Variants in ANKRD12 observed in about 807,000 individuals in gnomAD.
The protein encoded by ANKRD12 is ankyrin repeat domain 12, also known as ankyrin repeat domain-containing protein 12.
A neutral mutation model predicts 183.4 loss-of-function variants in ANKRD12; 85 were observed. The ratio of observed to expected loss-of-function variants is 0.46; its 90% CI spans 0.39 to 0.56. The LOEUF (loss-of-function observed/expected upper bound fraction) is 0.56. Ranked by LOEUF, ANKRD12 falls within the 20% of genes least tolerant of loss-of-function variation. The pLI, the probability that ANKRD12 is intolerant of heterozygous loss-of-function variation, is 0.00. For synonymous variants in ANKRD12, 914 were observed against 800.2 expected (o/e 1.14, Z -2.40); for missense variants, 2,405 against 2,357.1 (o/e 1.02, Z -0.42).
intron 8 of ANKRD12, among the ~76,000 whole-genome samples, chr18:9,223,124 A>G (rs146506611): frequency 1.3e-5 from 2 of 152,362 alleles, no homozygotes; most frequent in East Asian, 3.9e-4. Flanking sequence ...TAATAAAAGT[A>G]TAGTAAACTC....
At chr18:9,269,139 G>A (rs2039462817) in intron 10 of ANKRD12, among the ~76,000 whole-genome samples, 1 of 152,134 alleles carries the variant, frequency 6.6e-6, no homozygotes, top group Non-Finnish European at 1.5e-5. Context: ...ACAAATAGAA[G>A]AACATTCCAA....
chr18:9,265,585 A>G (rs2039241869), intron 10 of ANKRD12, among the ~76,000 whole-genome samples: 1 of 152,216 alleles, frequency 6.6e-6, no homozygotes, highest in Non-Finnish European at 1.5e-5. Context: ...AAGGAAAACT[A>G]ACAAACAGAA....
At position 9,255,315 on chromosome 18, in the gene ANKRD12, A is replaced by G. The variant is rs977914828; in HGVS notation, c.2048A>G (p.Lys683Arg). ...KEKYKTKDSA[K>R]ELQRSVEFDR... ...AAATACAAAACTAAGGATAGTGCCA[A>G]AGAACTGCAGAGGAGTGTGGAATTT... The change falls in exon 9 of 13, where the codon AAA (lysine) becomes AGA (arginine). Residue 683 changes from lysine to arginine, a missense_variant. This residue lies in a region of ANKRD12 where 1,983 missense variants were observed against 1,725.9 expected (regional missense o/e 1.15). Coordinates refer to ENST00000262126, the MANE Select transcript of ANKRD12 (RefSeq NM_015208.5). The G allele has an allele frequency of 6.9e-6, 11 of 1,593,746 alleles. No homozygotes were observed. Among genetic ancestry groups the G allele is most frequent in the Admixed American group, 1.9e-5 (1 of 54,020 alleles).
intron 1 of ANKRD12, among the ~76,000 whole-genome samples, chr18:9,152,978 T>A (rs1471856815): frequency 6.6e-6 from 1 of 152,166 alleles, no homozygotes; most frequent in Admixed American, 6.5e-5. Context: ...ATATGTTACA[T>A]AATGTCCTCA....
chr18:9,261,644 C>A (rs1231566291), intron 9 of ANKRD12, among the ~76,000 whole-genome samples: 1 of 152,170 alleles, frequency 6.6e-6, no homozygotes, highest in South Asian at 2.1e-4. Context: ...ATGATGACGA[C>A]GAGAGTAATG....
At chr18:9,264,566 T>C (rs995718581) in intron 10 of ANKRD12, among the ~76,000 whole-genome samples, 1 of 152,230 alleles carries the variant, frequency 6.6e-6, no homozygotes, top group Non-Finnish European at 1.5e-5. Flanking sequence ...TGTGGACTTC[T>C]GTAACAGTCT....
chr18:9,241,317 C>G (rs547804853), intron 8 of ANKRD12, among the ~76,000 whole-genome samples: 3 of 152,202 alleles, frequency 2.0e-5, no homozygotes, highest in Admixed American at 2.0e-4. Flanking sequence ...AAAGATTTTT[C>G]ATTTAACATG....
Position 9,265,528 on chromosome 18 carries a change from C to T in ANKRD12, c.5763+1640C>T, listed in dbSNP as rs1449555144. ...CCCACACAAACGGTCTGGAGTGGGC[C>T]TCCAGCAAACTCCAACAGACCTGCA... On this transcript the variant is annotated intron_variant, in intron 10 of 12. Transcript: ENST00000262126. 2.6e-5 allele frequency among the ~76,000 whole-genome samples: 4 copies of T among 152,160 alleles called. No individual in the cohort carries two copies. In the East Asian group the frequency reaches 5.8e-4, roughly 22 times the overall value.
intron 12 of ANKRD12, 25 bp from the exon 13 acceptor site, chr18:9,280,916 G>T: frequency 6.3e-7 from 1 of 1,588,902 alleles, no homozygotes; most frequent in Non-Finnish European, 8.5e-7. Context: ...GAATAATCAA[G>T]TAACTCTTCT....
chr18:9,278,796 G>A (rs796229831), intron 11 of ANKRD12, among the ~76,000 whole-genome samples: 5 of 151,188 alleles, frequency 3.3e-5, no homozygotes, highest in African/African-American at 1.2e-4. Context: ...AAAAAAAAAA[G>A]AAAATGTGAG....
At chr18:9,157,550 GGTGTGTGTGTGTGT>G (rs71168037) in intron 1 of ANKRD12, among the ~76,000 whole-genome samples, 1 of 114,598 alleles carries the variant, frequency 8.7e-6, no homozygotes, top group Non-Finnish European at 1.7e-5. Flanking sequence ...GGTGTGTGTG[GGTGTGTGTGTGTGT>G]GTGTGTGTGT....
At chr18:9,278,620 A>C (rs2039963861) in intron 11 of ANKRD12, among the ~76,000 whole-genome samples, 1 of 152,146 alleles carries the variant, frequency 6.6e-6, no homozygotes, top group African/African-American at 2.4e-5. Flanking sequence ...AATATGGTGA[A>C]ACCACATCTC....
chr18:9,215,391 T>TC (rs1392548202), intron 6 of ANKRD12, among the ~76,000 whole-genome samples: 1 of 152,104 alleles, frequency 6.6e-6, no homozygotes, highest in Non-Finnish European at 1.5e-5. Flanking sequence ...GAGAACTCTT[T>TC]TCTGGATTGA....
At position 9,285,535 on chromosome 18, in the gene ANKRD12, TCA is replaced by T; in HGVS notation, c.*4410_*4411del. The T allele has an allele frequency of 6.6e-6, 1 of 152,100 alleles. No individual in the cohort carries two copies. The highest frequency in any genetic ancestry group is 1.5e-5 in the Non-Finnish European group (1 of 67,986). The allele number at this position is 152,100 out of a possible 1,614,324, so 9.4% of individuals were successfully genotyped here. ...ACTCAAGAGAATATCAATAACTTTC[TCA>T]GTTTTTTTTCATTGTTATAGTCTGT... On this transcript the variant is annotated 3_prime_UTR_variant, in exon 13 of 13. Transcript: ENST00000262126.
At chr18:9,280,453 C>CCA (rs2040058447) in intron 12 of ANKRD12, among the ~76,000 whole-genome samples, 1 of 152,006 alleles carries the variant, frequency 6.6e-6, no homozygotes, top group African/African-American at 2.4e-5. Context: ...AGTTGCAGAC[C>CCA]CACAAATAGT....
intron 8 of ANKRD12, among the ~76,000 whole-genome samples, chr18:9,252,352 G>T (rs1301295870): frequency 6.6e-6 from 1 of 152,166 alleles, no homozygotes; most frequent in South Asian, 2.1e-4. Flanking sequence ...GCAACACAGG[G>T]TCACTGCAGA....
At chr18:9,176,012 TG>T (rs1207356948) in intron 1 of ANKRD12, among the ~76,000 whole-genome samples, 8 of 152,212 alleles carry the variant, frequency 5.3e-5, no homozygotes, top group Non-Finnish European at 1.5e-5. Context: ...CAAGACTTGT[TG>T]TATTGCAGTC....
Position 9,211,579 on chromosome 18 carries a change from T to G in ANKRD12, c.452-5T>G, listed in dbSNP as rs1344681174. On this transcript the variant is annotated splice_region_variant and splice_polypyrimidine_tract_variant and intron_variant, in intron 5 of 12. Transcript: ENST00000262126. ...AACTTCTGCTAACTTTCTTCTTTCT[T>G]ACAGATTCCACACCAAATCATCCAT... 3 of 1,613,018 alleles carry G rather than the reference T, an allele frequency of 1.9e-6. No homozygotes were observed. The highest frequency in any genetic ancestry group is 2.5e-6 in the Non-Finnish European group (3 of 1,179,406).
chr18:9,254,534 TA>T lies in ANKRD12; in HGVS notation c.1268del (p.Tyr423PhefsTer39). ...AAAACAAAAGCCATCTAGGGTCTTA[TA>T]TTCAAGTACTGAAAGTTCTGATGAA... ...SKKQKPSRVL[Y>X]SSTESSDEEA... On this transcript the variant is annotated frameshift_variant, in exon 9 of 13. Coordinates refer to ENST00000262126, the MANE Select transcript of ANKRD12 (RefSeq NM_015208.5). LOFTEE classifies it high-confidence loss of function. 1 of 1,553,314 alleles carries T rather than the reference TA, an allele frequency of 6.4e-7. No homozygotes were observed. Among genetic ancestry groups the T allele is most frequent in the Non-Finnish European group, 8.7e-7 (1 of 1,155,828 alleles).
Sources: gnomAD v4.1 joint callset for allele counts (sites outside exome capture counted in the v4.1 genomes callset) on GRCh38, gnomAD v4.1.1 for gene constraint, gnomAD v4.1.1 regional missense constraint, MANE v1.5 for transcripts, NCBI Gene and HGNC (gene_info 2026-07-23, HGNC 2026-07-21) for gene names.